Variants in ALDH7A1 observed in about 807,000 individuals in gnomAD.
ALDH7A1 encodes aldehyde dehydrogenase 7 family member A1, also known as alpha-aminoadipic semialdehyde dehydrogenase.
ALDH7A1 carries 63 observed loss-of-function variants against 79.9 expected under a neutral mutation model. The ratio of observed to expected loss-of-function variants is 0.79; its 90% CI spans 0.64 to 0.97. The LOEUF (loss-of-function observed/expected upper bound fraction) is 0.97, where lower values mean the gene tolerates loss of function less well. ALDH7A1 is among the 50% of genes least tolerant of loss of function. The pLI is 0.00. For synonymous variants in ALDH7A1, 240 were observed against 231.2 expected (o/e 1.04, Z -0.34); for missense variants, 627 against 665.2 (o/e 0.94, Z 0.63).
intron 14 of ALDH7A1, among the ~76,000 whole-genome samples, chr5:126,551,032 A>T (rs1322005833): frequency 1.3e-5 from 2 of 152,128 alleles, no homozygotes; most frequent in Non-Finnish European, 2.9e-5. Context: ...TAGAGACAGG[A>T]TCTCTTCCCA....
At chr5:126,594,917 A>G in intron 1 of ALDH7A1, 90 bp downstream of exon 1, 4 of 1,502,784 alleles carry the variant, frequency 2.7e-6, no homozygotes, top group Non-Finnish European at 1.8e-6. Flanking sequence ...TACCGCATCC[A>G]GCGCCAGCGG....
chr5:126,558,121 C>T (rs561095724), intron 11 of ALDH7A1, among the ~76,000 whole-genome samples: 68 of 125,686 alleles, frequency 5.4e-4, no homozygotes, highest in Admixed American at 2.3e-3. Context: ...TGAGCAAGAT[C>T]GCGCCACTAC....
At chr5:126,594,792 C>T (rs1382461985) in intron 1 of ALDH7A1, among the ~76,000 whole-genome samples, 1 of 152,050 alleles carries the variant, frequency 6.6e-6, no homozygotes. Flanking sequence ...CCCTACAGCT[C>T]CAAAATGACG....
intron 1 of ALDH7A1, 23 bp from the exon 2 acceptor site, chr5:126,593,427 C>T (rs752100211): frequency 6.2e-7 from 1 of 1,613,404 alleles, no homozygotes; most frequent in African/African-American, 1.3e-5. Context: ...GGATGATGAT[C>T]ATGTATAGAA....
At chr5:126,571,025 T>C (rs113747389) in intron 7 of ALDH7A1, 166 bp from the exon 8 acceptor site, 15 of 672,614 alleles carry the variant, frequency 2.2e-5, no homozygotes, top group African/African-American at 2.1e-4. Context: ...TAAGTCATTG[T>C]TCCTAAATGG....
chr5:126,546,216 A>G (rs894845904), intron 17 of ALDH7A1, 108 bp downstream of exon 17: 4 of 1,043,518 alleles, frequency 3.8e-6, no homozygotes, highest in Non-Finnish European at 6.0e-6. Context: ...TGCTGGAAAA[A>G]TCAAATCAAA....
At chr5:126,559,434 G>GTTTTTT (rs759132307) in intron 10 of ALDH7A1, 100 bp from the exon 11 acceptor site, 9 of 442,862 alleles carry the variant, frequency 2.0e-5, no homozygotes, top group Non-Finnish European at 2.7e-5. Context: ...TTTGGTTTTG[G>GTTTTTT]TTTTTTTTTT....
At chr5:126,548,541 C>T (rs1390864909) in intron 16 of ALDH7A1, among the ~76,000 whole-genome samples, 16 of 152,034 alleles carry the variant, frequency 1.1e-4, no homozygotes, top group Non-Finnish European at 2.2e-4. Context: ...ATCCTCCCAC[C>T]TCAGCCTCCC....
intron 3 of ALDH7A1, 48 bp downstream of exon 3, chr5:126,592,616 T>C (rs375158746): frequency 1.3e-5 from 20 of 1,579,386 alleles, no homozygotes; most frequent in Middle Eastern, 1.7e-4. Flanking sequence ...TTGGTTACAA[T>C]AGGCAAAGTG....
intron 7 of ALDH7A1, 95 bp from the exon 8 acceptor site, chr5:126,570,954 CTT>C: frequency 8.5e-7 from 1 of 1,182,428 alleles, no homozygotes; most frequent in African/African-American, 1.5e-5. Context: ...CTTTTTTCAA[CTT>C]TCTCTCCCAT....
Position 126,559,300 on chromosome 5 carries a change from T to C in ALDH7A1, c.948A>G (p.Pro316=), listed in dbSNP as rs1750311130. The C allele has an allele frequency of 6.2e-7, 1 of 1,614,026 alleles. No individual in the cohort carries two copies. Among genetic ancestry groups the C allele is most frequent in the Non-Finnish European group, 8.5e-7 (1 of 1,179,940 alleles). ...FEDADLSLVV[P]SALFAAVGTA... ...TTCCCACAGCAGCGAAGAGAGCTGA[T>C]GGAACAACTAAGCTGAGGTCTGCAT... Residue 316 remains proline (P), a synonymous_variant, in exon 11 of 18, where the codon CCA becomes CCG. Coordinates refer to ENST00000409134, the MANE Select transcript of ALDH7A1 (RefSeq NM_001182.5).
chr5:126,574,698 AAATAAT>A (rs10676689), intron 7 of ALDH7A1, among the ~76,000 whole-genome samples: 1 of 149,912 alleles, frequency 6.7e-6, no homozygotes, highest in East Asian at 1.9e-4. Context: ...CCATCTCAAA[AAATAAT>A]AATAATAATA....
At position 126,542,879 on chromosome 5, in the gene ALDH7A1, G is replaced by A. The variant is rs759427220; in HGVS notation, c.*2086C>T. 6.6e-6 allele frequency: 1 copy of A among 152,198 alleles called. No individual in the cohort carries two copies. The highest frequency in any genetic ancestry group is 1.5e-5 in the Non-Finnish European group (1 of 68,056). The allele number at this position is 152,198 out of a possible 1,614,324, so 9.4% of individuals were successfully genotyped here. A position where few individuals can be genotyped will look rare whatever the true frequency, so the allele number is the denominator to read the frequency against. On this transcript the variant is annotated 3_prime_UTR_variant, in exon 18 of 18. Transcript: ENST00000409134. ...TCACCCACTTCCCAGGGAGTCACAA[G>A]AGCCTGGCTGCTAGGCTCAGCGAAT... is the stretch of plus-strand genomic sequence containing the variant.
intron 14 of ALDH7A1, 60 bp downstream of exon 14, chr5:126,551,961 C>T (rs1264556097): frequency 1.5e-6 from 2 of 1,307,576 alleles, no homozygotes; most frequent in African/African-American, 2.9e-5. Context: ...TTTAATCCAC[C>T]ATCATTTTCC....
At chr5:126,589,500 G>A (rs1751469291) in intron 3 of ALDH7A1, among the ~76,000 whole-genome samples, 1 of 151,852 alleles carries the variant, frequency 6.6e-6, no homozygotes, top group Non-Finnish European at 1.5e-5. Context: ...GTATAGGAAG[G>A]CCAGGTGAAG....
At chr5:126,573,514 A>G (rs1356517407) in intron 7 of ALDH7A1, among the ~76,000 whole-genome samples, 5 of 151,972 alleles carry the variant, frequency 3.3e-5, no homozygotes, top group African/African-American at 1.2e-4. Flanking sequence ...CCTGGCCAAC[A>G]TGGTGAAACC....
At chr5:126,573,081 T>C (rs1368785654) in intron 7 of ALDH7A1, among the ~76,000 whole-genome samples, 1 of 135,360 alleles carries the variant, frequency 7.4e-6, no homozygotes, top group Non-Finnish European at 1.5e-5. Flanking sequence ...TATAAACTCT[T>C]ACATGAACAT....
intron 7 of ALDH7A1, 78 bp downstream of exon 7, chr5:126,575,342 G>A (rs1394189069): frequency 1.5e-6 from 2 of 1,372,940 alleles, no homozygotes; most frequent in Non-Finnish European, 2.0e-6. Flanking sequence ...TCTGACATCA[G>A]ATTAAAAAGT....
intron 10 of ALDH7A1, among the ~76,000 whole-genome samples, chr5:126,560,752 T>C (rs1167051117): frequency 6.6e-6 from 1 of 152,146 alleles, no homozygotes; most frequent in African/African-American, 2.4e-5. Context: ...GTTACTTAAG[T>C]TATTCTAGAG....
Sources: gnomAD v4.1 joint callset for allele counts (sites outside exome capture counted in the v4.1 genomes callset) on GRCh38, gnomAD v4.1.1 for gene constraint, MANE v1.5 for transcripts, NCBI Gene and HGNC (gene_info 2026-07-23, HGNC 2026-07-21) for gene names.